DPYSL3: variants seen among roughly 807,000 people sequenced by gnomAD.
The protein encoded by DPYSL3 is dihydropyrimidinase like 3.
Under a neutral mutation model 66.1 loss-of-function variants are expected in DPYSL3, and 16 were observed. The observed-to-expected ratio is 0.24, with a 90% CI of 0.16 to 0.37. The LOEUF (loss-of-function observed/expected upper bound fraction) is 0.37, where lower values mean the gene tolerates loss of function less well. DPYSL3 is among the 10% of genes least tolerant of loss of function. The pLI is 1.00. For synonymous variants in DPYSL3, 338 were observed against 345.1 expected, an observed-to-expected ratio of 0.98 and a Z score of 0.23; for missense variants, 738 against 916.2, an observed-to-expected ratio of 0.81 and a Z score of 2.51.
Position 147,393,894 on chromosome 5 carries a change from G to A in DPYSL3, c.*141C>T. The A allele has an allele frequency of 1.2e-6, 1 of 823,414 alleles. No homozygotes were observed. The highest frequency in any genetic ancestry group is 2.7e-5 in the Admixed American group (1 of 37,192). The allele number at this position is 823,414 out of a possible 1,614,324, so 51.0% of individuals were successfully genotyped here. ...AAGCTAGGCAAGCGAGCGTAACATT[G>A]GAGAAACATAAGGCTTGAGGCTTAT... On this transcript the variant is annotated 3_prime_UTR_variant, in exon 14 of 14. Coordinates refer to ENST00000343218, the MANE Select transcript of DPYSL3 (RefSeq NM_001197294.2).
At chr5:147,445,588 C>CCT (rs1398027281) in intron 1 of DPYSL3, among the ~76,000 whole-genome samples, 6 of 152,148 alleles carry the variant, frequency 3.9e-5, no homozygotes, top group African/African-American at 1.2e-4. Context: ...CCATCCCTAT[C>CCT]CTCATGGCAT....
At chr5:147,454,621 C>T (rs762642631) in intron 1 of DPYSL3, among the ~76,000 whole-genome samples, 4 of 152,174 alleles carry the variant, frequency 2.6e-5, no homozygotes, top group Non-Finnish European at 5.9e-5. Flanking sequence ...AAGGCAGTAG[C>T]CCAGACACGT....
At chr5:147,487,275 T>C (rs1161754627) in intron 1 of DPYSL3, among the ~76,000 whole-genome samples, 1 of 152,228 alleles carries the variant, frequency 6.6e-6, no homozygotes, top group South Asian at 2.1e-4. Flanking sequence ...ATTTCATAAA[T>C]TTGCATTCTC....
chr5:147,408,803 T>C lies in DPYSL3; in HGVS notation c.964-7A>G. On this transcript the variant is annotated splice_region_variant and splice_polypyrimidine_tract_variant and intron_variant, in intron 6 of 13. Coordinates refer to ENST00000343218, the MANE Select transcript of DPYSL3 (RefSeq NM_001197294.2). ...CCAACATGCGGGTTTGCTCCTGAAA[T>C]GAAAAAAGAAAATAGTTCTTCAATA... 1 of 1,614,006 alleles carries C rather than the reference T, an allele frequency of 6.2e-7. No homozygotes were observed. Among genetic ancestry groups the C allele is most frequent in the Non-Finnish European group, 8.5e-7 (1 of 1,179,978 alleles).
intron 10 of DPYSL3, among the ~76,000 whole-genome samples, chr5:147,400,169 T>C (rs1179576612): frequency 1.3e-5 from 2 of 152,174 alleles, no homozygotes; most frequent in African/African-American, 2.4e-5. Context: ...ATTTCTTTCG[T>C]CAGTCCTTGT....
rs753611890 is a variant in DPYSL3 at position 147,418,432 on chromosome 5, A to C, written c.655+15T>G. 4 of 1,586,690 alleles carry C rather than the reference A, an allele frequency of 2.5e-6. No individual in the cohort carries two copies. The African/African-American group carries it at 5.4e-5, about 21-fold the overall frequency. ...ACTTCTGAGAAACAGGAGTGTGTAA[A>C]ATATGAAGACTTACTGATCATGGTG... On this transcript the variant is annotated intron_variant, in intron 3 of 13. Transcript: ENST00000343218.
At position 147,480,264 on chromosome 5, in the gene DPYSL3, A is replaced by G. The variant is rs1248458398; in HGVS notation, c.381+29214T>C. Among the ~76,000 whole-genome samples the G allele has an allele frequency of 2.6e-5, 4 of 152,230 alleles. No individual in the cohort carries two copies. In the East Asian group the frequency reaches 7.7e-4, roughly 29 times the overall value. ...TTGCGCTGTCACTCCCAGTTTTGCC[A>G]CACCCTCTTAGGAGCAGTCAGGTAG... On this transcript the variant is annotated intron_variant, in intron 1 of 13. Transcript: ENST00000343218.
intron 1 of DPYSL3, among the ~76,000 whole-genome samples, chr5:147,452,821 A>T (rs1752758957): frequency 6.6e-6 from 1 of 150,886 alleles, no homozygotes; most frequent in Non-Finnish European, 1.5e-5. Flanking sequence ...TGCTCTAAAA[A>T]CTCGGCCTTT....
intron 1 of DPYSL3, among the ~76,000 whole-genome samples, chr5:147,432,027 A>T (rs1331998407): frequency 2.6e-5 from 4 of 152,186 alleles, no homozygotes; most frequent in Non-Finnish European, 5.9e-5. Context: ...CTTGGCTCCG[A>T]GTCTTCATTG....
intron 1 of DPYSL3, among the ~76,000 whole-genome samples, chr5:147,474,509 A>T (rs967068822): frequency 3.3e-5 from 5 of 152,224 alleles, no homozygotes; most frequent in Middle Eastern, 3.4e-3. Flanking sequence ...CAAGCTAATT[A>T]GTGAATGGGT....
chr5:147,502,280 T>C (rs1753622533), intron 1 of DPYSL3, among the ~76,000 whole-genome samples: 1 of 151,722 alleles, frequency 6.6e-6, no homozygotes, highest in African/African-American at 2.4e-5. Flanking sequence ...AAATTGGGGG[T>C]ACACAAACCT....
chr5:147,501,224 T>C (rs1465358388), intron 1 of DPYSL3, among the ~76,000 whole-genome samples: 2 of 152,166 alleles, frequency 1.3e-5, no homozygotes, highest in Non-Finnish European at 2.9e-5. Context: ...GTCTACATAC[T>C]GTGTGATTCC....
At chr5:147,488,229 A>C (rs1753364379) in intron 1 of DPYSL3, among the ~76,000 whole-genome samples, 2 of 152,212 alleles carry the variant, frequency 1.3e-5, no homozygotes, top group African/African-American at 4.8e-5. Context: ...AGCAGAAAAC[A>C]TCAGAAGCTA....
chr5:147,412,774 C>T (rs1751881372), intron 5 of DPYSL3, 86 bp from the exon 6 acceptor site: 2 of 1,174,734 alleles, frequency 1.7e-6, no homozygotes, highest in Admixed American at 1.9e-5. Context: ...CAAGCTAAAA[C>T]AGATGGGATA....
chr5:147,448,427 C>T (rs540888455), intron 1 of DPYSL3, among the ~76,000 whole-genome samples: 2 of 152,276 alleles, frequency 1.3e-5, no homozygotes, highest in South Asian at 2.1e-4. Flanking sequence ...TTTTATATAA[C>T]GCTGTTTATT....
At chr5:147,445,459 C>G (rs1752613608) in intron 1 of DPYSL3, among the ~76,000 whole-genome samples, 1 of 152,218 alleles carries the variant, frequency 6.6e-6, no homozygotes, top group South Asian at 2.1e-4. Flanking sequence ...GATCTTCTCT[C>G]TTGAAATCAT....
At chr5:147,438,764 C>T (rs1344593808) in intron 1 of DPYSL3, among the ~76,000 whole-genome samples, 1 of 152,206 alleles carries the variant, frequency 6.6e-6, no homozygotes, top group African/African-American at 2.4e-5. Context: ...TTATGTCTAT[C>T]AAAGCAAGAT....
chr5:147,474,530 G>A (rs1753130243), intron 1 of DPYSL3, among the ~76,000 whole-genome samples: 1 of 152,056 alleles, frequency 6.6e-6, no homozygotes, highest in Non-Finnish European at 1.5e-5. Flanking sequence ...CAGGATTTGA[G>A]CTCAAGCAGT....
At chr5:147,505,258 G>A (rs142082603) in intron 1 of DPYSL3, among the ~76,000 whole-genome samples, 76 of 150,890 alleles carry the variant, frequency 5.0e-4, no homozygotes, top group African/African-American at 1.6e-3. Flanking sequence ...TTTTTGAGAC[G>A]GAGTCTCACT....
Sources: allele counts gnomAD v4.1 joint callset (sites outside exome capture counted in the v4.1 genomes callset), GRCh38; gene constraint gnomAD v4.1.1; transcripts MANE v1.5; gene names NCBI Gene and HGNC (gene_info 2026-07-23, HGNC 2026-07-21).